The following EPHA6 variants were observed in gnomAD, a reference collection of about 807,000 sequenced individuals.
The protein encoded by EPHA6 is ephrin type-A receptor 6.
In EPHA6, 50 loss-of-function variants were observed where a neutral mutation model predicts 112.0. The observed-to-expected ratio is 0.45, with a 90% CI of 0.36 to 0.56. The LOEUF (loss-of-function observed/expected upper bound fraction) is 0.56. EPHA6 is among the 20% of genes least tolerant of loss of function. The pLI is 0.00. For missense variants in EPHA6, 1,280 were observed against 1,417.4 expected (o/e 0.90, Z 1.56); for synonymous variants, 529 against 490.7 (o/e 1.08, Z -1.03).
chr3:96,985,595 A>G lies in EPHA6; in HGVS notation c.451-1735A>G, dbSNP rs1372358939. ...TATATTCCCATGAGATTTTTGAATC[A>G]CCCCTGGTAAAAAATGTGTGTATTT... On this transcript the variant is annotated intron_variant, in intron 2 of 17. Transcript: ENST00000389672. Among the ~76,000 whole-genome samples, 7 of 152,216 alleles carry G rather than the reference A, an allele frequency of 4.6e-5. No individual in the cohort carries two copies. The South Asian group carries it at 1.2e-3, about 27-fold the overall frequency.
At chr3:97,491,015 T>C (rs1232158015) in intron 10 of EPHA6, among the ~76,000 whole-genome samples, 1 of 152,194 alleles carries the variant, frequency 6.6e-6, no homozygotes, top group Admixed American at 6.5e-5. Context: ...CATGTGGGCA[T>C]CTCCAACGTG....
chr3:97,119,485 A>G (rs1214098026), intron 3 of EPHA6, among the ~76,000 whole-genome samples: 13 of 151,920 alleles, frequency 8.6e-5, no homozygotes, highest in Non-Finnish European at 1.5e-5. Flanking sequence ...TAAAAAGCTG[A>G]GCACAGACCA....
chr3:97,482,828 T>C (rs1270189492), intron 9 of EPHA6, among the ~76,000 whole-genome samples: 1 of 152,234 alleles, frequency 6.6e-6, no homozygotes, highest in Non-Finnish European at 1.5e-5. Flanking sequence ...ATTGGTCTTT[T>C]AATCCCTACT....
intron 2 of EPHA6, among the ~76,000 whole-genome samples, chr3:96,923,954 G>A (rs1376301567): frequency 2.0e-5 from 3 of 151,922 alleles, no homozygotes; most frequent in Non-Finnish European, 2.9e-5. Flanking sequence ...GTGATCTTAT[G>A]TCTGGTTTCT....
At chr3:97,547,835 C>G (rs7427710) in intron 11 of EPHA6, among the ~76,000 whole-genome samples, 1 of 149,880 alleles carries the variant, frequency 6.7e-6, no homozygotes, top group Non-Finnish European at 1.5e-5. Flanking sequence ...TAGCAATGAG[C>G]GAGACTCTGT....
intron 13 of EPHA6, among the ~76,000 whole-genome samples, chr3:97,615,697 A>G (rs2093759791): frequency 6.6e-6 from 1 of 152,134 alleles, no homozygotes; most frequent in Non-Finnish European, 1.5e-5. Context: ...AACACAGCAC[A>G]TCTGCTCTAC....
Position 97,388,513 on chromosome 3 carries a change from T to C in EPHA6, c.1607-16637T>C, listed in dbSNP as rs917990342. 3.3e-5 allele frequency among the ~76,000 whole-genome samples: 5 copies of C among 151,940 alleles called. No homozygotes were observed. In the South Asian group the frequency reaches 8.3e-4, roughly 25 times the overall value. On this transcript the variant is annotated intron_variant, in intron 5 of 17. Transcript: ENST00000389672. ...AAAGAGGAGAGGATAACAATTCTTATGGGAAAAAAAATGACTTTTAAGAAA... is the reference window on the plus strand; with the variant it reads ...AAAGAGGAGAGGATAACAATTCTTACGGGAAAAAAAATGACTTTTAAGAAA...
chr3:96,972,646 G>A (rs1218607274), intron 2 of EPHA6, among the ~76,000 whole-genome samples: 8 of 152,078 alleles, frequency 5.3e-5, no homozygotes, highest in Admixed American at 4.6e-4. Flanking sequence ...GGCATCTAGG[G>A]TGTGACTTCC....
intron 5 of EPHA6, among the ~76,000 whole-genome samples, chr3:97,269,194 C>G (rs539938741): frequency 3.9e-5 from 6 of 152,198 alleles, no homozygotes; most frequent in Admixed American, 6.5e-5. Context: ...CTAAGTATTG[C>G]GGAGGACTGT....
At chr3:97,492,409 G>A (rs1012221331) in intron 10 of EPHA6, among the ~76,000 whole-genome samples, 3 of 151,462 alleles carry the variant, frequency 2.0e-5, no homozygotes, top group African/African-American at 7.3e-5. Flanking sequence ...AGGCATGGTG[G>A]TGGGCACCTG....
In EPHA6 at chr3:97,437,841, T is replaced by C. The variant is rs181330757; in HGVS notation, c.1732-10727T>C. 4.8e-3 allele frequency among the ~76,000 whole-genome samples: 728 copies of C among 152,088 alleles called. 7 individuals carry two copies. The highest frequency in any genetic ancestry group is 0.017 in the African/African-American group (701 of 41,490). On this transcript the variant is annotated intron_variant, in intron 6 of 17. Coordinates refer to ENST00000389672, the MANE Select transcript of EPHA6 (RefSeq NM_001080448.3). ...AATAAATATATTTTTTCCTCTCCAT[T>C]TTCCCCCTTTCAAGTCATTTTATCT...
intron 3 of EPHA6, among the ~76,000 whole-genome samples, chr3:97,222,589 A>G (rs926550207): frequency 1.3e-5 from 2 of 152,206 alleles, no homozygotes; most frequent in African/African-American, 4.8e-5. Context: ...CAGTTAAATC[A>G]CTTTCAAGAT....
chr3:97,092,850 CA>C (rs11296597), intron 3 of EPHA6, among the ~76,000 whole-genome samples: 36,154 of 146,432 alleles, frequency 0.25, 6,698 homozygotes, highest in African/African-American at 0.51. Flanking sequence ...TACACAATTG[CA>C]AAAAAAAAAG....
At chr3:96,874,210 T>C (rs972261489) in intron 2 of EPHA6, among the ~76,000 whole-genome samples, 3 of 152,160 alleles carry the variant, frequency 2.0e-5, no homozygotes, top group African/African-American at 4.8e-5. Flanking sequence ...AAAGGATACA[T>C]AGTTATTGAA....
At chr3:97,010,101 C>A in intron 3 of EPHA6, 1 of 1,273,748 alleles carries the variant, frequency 7.9e-7, no homozygotes, top group African/African-American at 1.6e-5. Context: ...AGTAGCATTA[C>A]TAAAATATTA....
chr3:96,998,922 A>C (rs1017806550), intron 3 of EPHA6, among the ~76,000 whole-genome samples: 26 of 151,910 alleles, frequency 1.7e-4, no homozygotes, highest in Non-Finnish European at 2.2e-4. Flanking sequence ...CCTAGTTAAG[A>C]GTTTACCTCA....
At chr3:97,341,704 T>A (rs561721955) in intron 5 of EPHA6, among the ~76,000 whole-genome samples, 1 of 152,170 alleles carries the variant, frequency 6.6e-6, no homozygotes, top group African/African-American at 2.4e-5. Flanking sequence ...AAATTCATTC[T>A]TTATAATTCA....
chr3:96,890,229 C>T (rs1205650757), intron 2 of EPHA6, among the ~76,000 whole-genome samples: 2 of 151,912 alleles, frequency 1.3e-5, no homozygotes, highest in South Asian at 2.1e-4. Context: ...AGGCAACACA[C>T]AGGTTGGAAG....
chr3:97,699,710 C>T (rs540487731), intron 14 of EPHA6, among the ~76,000 whole-genome samples: 11 of 152,270 alleles, frequency 7.2e-5, no homozygotes, highest in African/African-American at 2.2e-4. Context: ...AAGGCCTGTA[C>T]GAATAAGCTA....
Sources: gnomAD v4.1 joint callset for allele counts (sites outside exome capture counted in the v4.1 genomes callset) on GRCh38, gnomAD v4.1.1 for gene constraint, MANE v1.5 for transcripts, NCBI Gene and HGNC (gene_info 2026-07-23, HGNC 2026-07-21) for gene names.